Variants in CREB3L2 observed in about 807,000 individuals in gnomAD.
The protein encoded by CREB3L2 is cyclic AMP-responsive element-binding protein 3-like protein 2.
Under a neutral mutation model 57.2 loss-of-function variants are expected in CREB3L2, and 23 were observed. That is an observed-to-expected ratio of 0.40 (90% CI 0.29 to 0.57). The LOEUF is 0.57. Ranked by LOEUF, CREB3L2 falls within the 20% of genes least tolerant of loss-of-function variation. The probability of loss-of-function intolerance (pLI) is 0.42; values close to 1 mark genes in which losing one functional copy is unlikely to be tolerated. For missense variants in CREB3L2, 628 were observed against 634.7 expected (o/e 0.99, Z 0.11); for synonymous variants, 268 against 265.1 (o/e 1.01, Z -0.11).
At chr7:137,954,209 A>T (rs2117275709) in intron 1 of CREB3L2, among the ~76,000 whole-genome samples, 1 of 152,340 alleles carries the variant, frequency 6.6e-6, no homozygotes, top group East Asian at 1.9e-4. Context: ...GACCCACAGC[A>T]TTTAATGATC....
intron 1 of CREB3L2, among the ~76,000 whole-genome samples, chr7:137,931,776 G>A (rs1273882192): frequency 1.3e-5 from 2 of 151,370 alleles, no homozygotes; most frequent in East Asian, 3.9e-4. Context: ...AGGTTGCAGT[G>A]AGCCGAGATC....
intron 1 of CREB3L2, among the ~76,000 whole-genome samples, chr7:137,963,833 G>T (rs1801363696): frequency 6.6e-6 from 1 of 151,742 alleles, no homozygotes; most frequent in African/African-American, 2.4e-5. Flanking sequence ...TTTTATTTTG[G>T]TGTTTTTTTT....
chr7:137,931,885 A>C (rs1277586563), intron 1 of CREB3L2, among the ~76,000 whole-genome samples: 2 of 152,146 alleles, frequency 1.3e-5, no homozygotes, highest in Non-Finnish European at 2.9e-5. Context: ...TAAAAATCTT[A>C]TTTTTACATG....
intron 1 of CREB3L2, among the ~76,000 whole-genome samples, chr7:137,989,435 T>TTG (rs1801848687): frequency 6.7e-6 from 1 of 148,732 alleles, no homozygotes; most frequent in Admixed American, 6.7e-5. Context: ...TTCTCCAGTT[T>TTG]TTTTTTTTTT....
intron 2 of CREB3L2, among the ~76,000 whole-genome samples, chr7:137,927,738 G>C (rs1800505285): frequency 6.6e-6 from 1 of 150,686 alleles, no homozygotes; most frequent in South Asian, 2.1e-4. Flanking sequence ...GATGGAATTG[G>C]GTTGAGAGGA....
chr7:137,907,548 G>A (rs549135073), intron 5 of CREB3L2, among the ~76,000 whole-genome samples: 63 of 152,284 alleles, frequency 4.1e-4, no homozygotes, highest in African/African-American at 1.4e-3. Context: ...ATTAATGGAC[G>A]GATGGTACTT....
chr7:137,908,683 G>A (rs1799945030), intron 4 of CREB3L2, among the ~76,000 whole-genome samples: 2 of 152,054 alleles, frequency 1.3e-5, no homozygotes, highest in African/African-American at 4.8e-5. Flanking sequence ...CAATAAACGT[G>A]CGACCAGGGG....
chr7:137,992,962 G>C (rs1801926900), intron 1 of CREB3L2, among the ~76,000 whole-genome samples: 1 of 152,202 alleles, frequency 6.6e-6, no homozygotes, highest in Non-Finnish European at 1.5e-5. Flanking sequence ...ACGCACTTGA[G>C]AAAACCTGGC....
intron 1 of CREB3L2, among the ~76,000 whole-genome samples, chr7:137,970,003 T>C (rs985932893): frequency 6.6e-6 from 1 of 152,132 alleles, no homozygotes; most frequent in Non-Finnish European, 1.5e-5. Flanking sequence ...GGTATTTTAA[T>C]TTGCATAATA....
chr7:137,890,026 T>C (rs1232886956), intron 8 of CREB3L2, among the ~76,000 whole-genome samples: 1 of 152,202 alleles, frequency 6.6e-6, no homozygotes, highest in Non-Finnish European at 1.5e-5. Flanking sequence ...AAGCATGTCT[T>C]AGTTAAGTAG....
intron 7 of CREB3L2, 61 bp downstream of exon 7, chr7:137,903,898 C>T: frequency 1.5e-6 from 2 of 1,363,852 alleles, no homozygotes; most frequent in Non-Finnish European, 2.1e-6. Flanking sequence ...CGATTCTCCG[C>T]ACACCCATAT....
At chr7:137,974,813 T>C (rs1240551022) in intron 1 of CREB3L2, among the ~76,000 whole-genome samples, 4 of 152,066 alleles carry the variant, frequency 2.6e-5, no homozygotes, top group Admixed American at 2.6e-4. Context: ...GACTGCACCA[T>C]TTGCTGGAGA....
At chr7:137,972,724 TATATATATATATAG>T (rs1434186823) in intron 1 of CREB3L2, among the ~76,000 whole-genome samples, 9 of 22,454 alleles carry the variant, frequency 4.0e-4, no homozygotes, top group African/African-American at 2.0e-3. Context: ...TATATATATA[TATATATATATATAG>T]AGAGAGAGAG....
chr7:137,892,616 C>T (rs1405658434), intron 8 of CREB3L2, among the ~76,000 whole-genome samples: 1 of 152,154 alleles, frequency 6.6e-6, no homozygotes, highest in East Asian at 1.9e-4. Context: ...CGCCACTGCA[C>T]TCCAGCCTGG....
intron 8 of CREB3L2, among the ~76,000 whole-genome samples, chr7:137,886,396 G>C (rs532500890): frequency 1.7e-4 from 26 of 152,262 alleles, no homozygotes; most frequent in African/African-American, 6.3e-4. Context: ...TTAGAAGAGA[G>C]AGAGAAAGGC....
chr7:137,916,048 T>C (rs771581054), intron 2 of CREB3L2, 36 bp from the exon 3 acceptor site: 2 of 1,582,442 alleles, frequency 1.3e-6, no homozygotes, highest in Non-Finnish European at 1.7e-6. Flanking sequence ...TGTGAACTTG[T>C]TCAGGGCATC....
rs540044757 is a variant in CREB3L2, at chr7:137,887,934, T to C, written c.1044-2432A>G. Among the ~76,000 whole-genome samples, 100 of 152,266 alleles carry C rather than the reference T, an allele frequency of 6.6e-4. 1 individual carries two copies. Among genetic ancestry groups the C allele is most frequent in the African/African-American group, 2.3e-3 (96 of 41,566 alleles). ...TTTAGACCTGGTTTGTATTTAAATGTATTCAGGTACAATTTTTATTTTTCT... is the reference window on the plus strand; with the variant it reads ...TTTAGACCTGGTTTGTATTTAAATGCATTCAGGTACAATTTTTATTTTTCT... On this transcript the variant is annotated intron_variant, in intron 8 of 11. Coordinates refer to ENST00000330387, the MANE Select transcript of CREB3L2 (RefSeq NM_194071.4).
At position 137,920,233 on chromosome 7, in the gene CREB3L2, T is replaced by C. The variant is rs924879397; in HGVS notation, c.320-4221A>G. Among the ~76,000 whole-genome samples the C allele has an allele frequency of 2.0e-5, 3 of 152,180 alleles. 1 individual carries two copies. In the East Asian group the frequency reaches 5.8e-4, roughly 29 times the overall value. On this transcript the variant is annotated intron_variant, in intron 2 of 11. Transcript: ENST00000330387. ...CTTGGTCCTGTGGCTTGATGTACCA[T>C]TGGTATGTGAGCTTTTTAATACAAG...
chr7:137,919,175 CT>C (rs370149890), intron 2 of CREB3L2, among the ~76,000 whole-genome samples: 3,546 of 140,770 alleles, frequency 0.025, 95 homozygotes, highest in African/African-American at 0.08. Flanking sequence ...TCAAAGATAT[CT>C]TTTTTTTTTT....
Sources: allele counts gnomAD v4.1 joint callset (sites outside exome capture counted in the v4.1 genomes callset), GRCh38; gene constraint gnomAD v4.1.1; transcripts MANE v1.5; gene names NCBI Gene and HGNC (gene_info 2026-07-23, HGNC 2026-07-21).